METTL15: variants seen among roughly 807,000 people sequenced by gnomAD.
The protein encoded by METTL15 is 12S rRNA N(4)-cytidine methyltransferase METTL15.
METTL15 carries 34 observed loss-of-function variants against 38.3 expected under a neutral mutation model. The observed-to-expected ratio is 0.89, with a 90% CI of 0.68 to 1.18. The LOEUF is 1.18. Ranked by LOEUF, METTL15 falls within the 50% of genes most tolerant of loss-of-function variation. The pLI is 0.00. For synonymous variants in METTL15, 162 were observed against 170.9 expected, an observed-to-expected ratio of 0.95 and a Z score of 0.41; for missense variants, 438 against 498.4, an observed-to-expected ratio of 0.88 and a Z score of 1.15.
At chr11:28,378,361 A>G (rs7123947) in intron 5 of METTL15, among the ~76,000 whole-genome samples, 37,479 of 152,092 alleles carry the variant, frequency 0.25, 4,833 homozygotes, top group Middle Eastern at 0.28. Context: ...CTCGTGGTGC[A>G]TCGCTTTTTA....
At chr11:28,449,907 T>A (rs1038227035) in intron 6 of METTL15, among the ~76,000 whole-genome samples, 1 of 152,152 alleles carries the variant, frequency 6.6e-6, no homozygotes, top group Non-Finnish European at 1.5e-5. Flanking sequence ...TTGAAAATGA[T>A]CTTCCAGTCC....
intron 3 of METTL15, among the ~76,000 whole-genome samples, chr11:28,339,118 T>A (rs949646464): frequency 6.6e-6 from 1 of 152,120 alleles, no homozygotes; most frequent in Non-Finnish European, 1.5e-5. Flanking sequence ...TGGATTAAAT[T>A]GATCCTAGAC....
intron 3 of METTL15, among the ~76,000 whole-genome samples, chr11:28,144,740 A>G (rs1012387893): frequency 6.6e-6 from 1 of 152,146 alleles, no homozygotes; most frequent in African/African-American, 2.4e-5. Context: ...CTTATATTAA[A>G]GGATGTAAAC....
chr11:28,395,163 A>G (rs1850555312), intron 5 of METTL15, among the ~76,000 whole-genome samples: 1 of 152,080 alleles, frequency 6.6e-6, no homozygotes, highest in African/African-American at 2.4e-5. Context: ...CAGAAGGGAC[A>G]TGATTCTGCT....
intron 6 of METTL15, among the ~76,000 whole-genome samples, chr11:28,318,490 C>T (rs1223975834): frequency 6.6e-6 from 1 of 152,106 alleles, no homozygotes; most frequent in Non-Finnish European, 1.5e-5. Context: ...TGCAGAAGCA[C>T]AGAAATGAGA....
intron 6 of METTL15, among the ~76,000 whole-genome samples, chr11:28,474,859 G>GAAAC (rs1851332179): frequency 1.3e-5 from 2 of 152,164 alleles, no homozygotes; most frequent in African/African-American, 4.8e-5. Context: ...CTCCCATGCA[G>GAAAC]TTACTAATGG....
At chr11:28,405,955 C>T (rs1850670086) in intron 5 of METTL15, among the ~76,000 whole-genome samples, 3 of 152,110 alleles carry the variant, frequency 2.0e-5, no homozygotes, top group African/African-American at 7.2e-5. Context: ...CTATTCTGTT[C>T]CATTGGACTC....
chr11:28,210,056 C>A (rs1852561225), intron 3 of METTL15, among the ~76,000 whole-genome samples: 1 of 151,970 alleles, frequency 6.6e-6, no homozygotes, highest in Non-Finnish European at 1.5e-5. Context: ...TAGTTACAAT[C>A]AACTAACTTG....
chr11:28,310,914 C>CTGCTGCTGCTGCTGCTGG, intron 6 of METTL15, among the ~76,000 whole-genome samples: 2 of 110,084 alleles, frequency 1.8e-5, no homozygotes, highest in Non-Finnish European at 3.7e-5. Flanking sequence ...GCTGCTGCTG[C>CTGCTGCTGCTGCTGCTGG]TGGTGGTGGT....
intron 6 of METTL15, among the ~76,000 whole-genome samples, chr11:28,468,080 C>A (rs902745548): frequency 6.6e-6 from 1 of 152,174 alleles, no homozygotes; most frequent in Non-Finnish European, 1.5e-5. Flanking sequence ...CATTTTTGTT[C>A]CAATGCTGCT....
At chr11:28,361,649 C>A (rs939392626) in intron 4 of METTL15, among the ~76,000 whole-genome samples, 3 of 151,976 alleles carry the variant, frequency 2.0e-5, no homozygotes, top group Non-Finnish European at 4.4e-5. Context: ...TCACATAATT[C>A]TTTTCTGGGT....
intron 3 of METTL15, chr11:28,123,998 C>T (rs1852362575): frequency 1.5e-6 from 1 of 682,702 alleles, no homozygotes; most frequent in Non-Finnish European, 2.2e-6. Flanking sequence ...TTATGAAGCA[C>T]TTTTATATAT....
intron 4 of METTL15, among the ~76,000 whole-genome samples, chr11:28,352,541 C>T (rs996677375): frequency 1.3e-5 from 2 of 152,188 alleles, no homozygotes; most frequent in Non-Finnish European, 2.9e-5. Context: ...TTTTTACATA[C>T]TAAGTCAAAT....
intron 4 of METTL15, among the ~76,000 whole-genome samples, chr11:28,247,992 A>G (rs1452086978): frequency 2.0e-5 from 3 of 152,060 alleles, no homozygotes; most frequent in Non-Finnish European, 2.9e-5. Context: ...TGGGCTTTCA[A>G]ATTCTTGGTA....
At chr11:28,467,737 C>T (rs1851268599) in intron 6 of METTL15, among the ~76,000 whole-genome samples, 1 of 151,994 alleles carries the variant, frequency 6.6e-6, no homozygotes, top group Admixed American at 6.6e-5. Flanking sequence ...AAGAATTTTT[C>T]CAATGGAGAG....
intron 5 of METTL15, among the ~76,000 whole-genome samples, chr11:28,413,323 T>G (rs1318590674): frequency 1.3e-5 from 2 of 152,128 alleles, no homozygotes; most frequent in African/African-American, 4.8e-5. Flanking sequence ...TTCCCTAAAT[T>G]TGTTTAAAAT....
rs762309096 is a variant in METTL15, at chr11:28,249,285, A to G, written c.407+38087A>G. On this transcript the variant is annotated intron_variant, in intron 4 of 6. Transcript: ENST00000407364. ...TCCGAGATTTGACAGAGATACTTAT[A>G]AAGTACTTAGCTAAGAATTTTACAT... Among the ~76,000 whole-genome samples, 5 of 152,112 alleles carry G rather than the reference A, an allele frequency of 3.3e-5. No homozygotes were observed. In the South Asian group the frequency reaches 6.2e-4, roughly 19 times the overall value.
At chr11:28,484,266 A>C (rs1276392986) in intron 6 of METTL15, among the ~76,000 whole-genome samples, 1 of 152,220 alleles carries the variant, frequency 6.6e-6, no homozygotes, top group Non-Finnish European at 1.5e-5. Context: ...ATCAAGGCAC[A>C]GAAGTTGAGT....
intron 5 of METTL15, among the ~76,000 whole-genome samples, chr11:28,390,659 G>A (rs1157004593): frequency 6.6e-6 from 1 of 152,174 alleles, no homozygotes; most frequent in Non-Finnish European, 1.5e-5. Flanking sequence ...AAGTCAGGTA[G>A]CATGATGCCT....
Sources: allele counts gnomAD v4.1 joint callset (sites outside exome capture counted in the v4.1 genomes callset), GRCh38; gene constraint gnomAD v4.1.1; transcripts MANE v1.5; gene names NCBI Gene and HGNC (gene_info 2026-07-23, HGNC 2026-07-21).